FGGY: variants seen among roughly 807,000 people sequenced by gnomAD.
FGGY encodes the protein FGGY carbohydrate kinase domain-containing protein.
FGGY carries 72 observed loss-of-function variants against 71.3 expected under a neutral mutation model. The observed-to-expected ratio is 1.01, with a 90% CI of 0.84 to 1.23. The LOEUF (loss-of-function observed/expected upper bound fraction) is 1.23, where lower values mean the gene tolerates loss of function less well. Among genes scored for constraint, FGGY ranks in the 50% most tolerant of loss-of-function variants. The probability of loss-of-function intolerance (pLI) is 0.00; values close to 1 mark genes in which losing one functional copy is unlikely to be tolerated. For synonymous variants in FGGY, 251 were observed against 250.3 expected (o/e 1.00, Z -0.02); for missense variants, 668 against 682.3 (o/e 0.98, Z 0.23).
intron 7 of FGGY, among the ~76,000 whole-genome samples, chr1:59,533,975 G>A (rs1489971690): frequency 6.6e-6 from 1 of 152,234 alleles, no homozygotes; most frequent in African/African-American, 2.4e-5. Flanking sequence ...AACAAAGCTG[G>A]ACGGAGAATG....
At chr1:59,611,902 A>G (rs540377973) in intron 9 of FGGY, among the ~76,000 whole-genome samples, 1 of 152,372 alleles carries the variant, frequency 6.6e-6, no homozygotes, top group Non-Finnish European at 1.5e-5. Flanking sequence ...GGTATCAGTG[A>G]TGGAAGATCA....
intron 6 of FGGY, among the ~76,000 whole-genome samples, chr1:59,473,831 A>G (rs2153554150): frequency 6.6e-6 from 1 of 152,252 alleles, no homozygotes; most frequent in South Asian, 2.1e-4. Flanking sequence ...ATTTTAGAAT[A>G]TTTGTGGCTC....
intron 4 of FGGY, among the ~76,000 whole-genome samples, chr1:59,362,763 G>A (rs1312990500): frequency 2.6e-5 from 4 of 152,130 alleles, no homozygotes; most frequent in African/African-American, 4.8e-5. Flanking sequence ...TTTAGAACTT[G>A]AATTATTCTG....
At chr1:59,311,399 C>A (rs112202075) in intron 1 of FGGY, among the ~76,000 whole-genome samples, 13 of 152,184 alleles carry the variant, frequency 8.5e-5, no homozygotes, top group South Asian at 6.2e-4. Context: ...CTCGTCCCCC[C>A]ACCCCACAAC....
intron 14 of FGGY, among the ~76,000 whole-genome samples, chr1:59,712,079 G>C (rs1340599714): frequency 6.6e-6 from 1 of 152,124 alleles, no homozygotes; most frequent in African/African-American, 2.4e-5. Context: ...AGATACAATG[G>C]GGATACAGGC....
In FGGY at chr1:59,537,856, T is replaced by A. The variant is rs180877785; in HGVS notation, c.800-16268T>A. Among the ~76,000 whole-genome samples, 1,181 of 152,286 alleles carry A rather than the reference T, an allele frequency of 7.8e-3. 19 individuals are homozygous for A. Among genetic ancestry groups the A allele is most frequent in the African/African-American group, 0.027 (1,127 of 41,548 alleles). On this transcript the variant is annotated intron_variant, in intron 7 of 15. Coordinates refer to ENST00000303721, the MANE Select transcript of FGGY (RefSeq NM_018291.5). ...TATACAAAAATCAATTCAAGATGGA[T>A]TAAAGACTTAAACGTTAGACCTAAA...
intron 4 of FGGY, among the ~76,000 whole-genome samples, chr1:59,375,711 G>T (rs1436445535): frequency 6.6e-6 from 1 of 152,076 alleles, no homozygotes; most frequent in Non-Finnish European, 1.5e-5. Context: ...AAAGAACGCA[G>T]GGACTCCTTG....
At chr1:59,677,602 A>G (rs1435650323) in intron 14 of FGGY, among the ~76,000 whole-genome samples, 2 of 152,106 alleles carry the variant, frequency 1.3e-5, no homozygotes, top group African/African-American at 4.8e-5. Flanking sequence ...GTAGAGTCCT[A>G]TACCTTTCTT....
intron 5 of FGGY, among the ~76,000 whole-genome samples, chr1:59,449,481 C>G (rs1401493093): frequency 3.3e-5 from 5 of 152,070 alleles, no homozygotes; most frequent in Non-Finnish European, 5.9e-5. Flanking sequence ...GATGGGGTTT[C>G]ACCATGTTGG....
At chr1:59,305,416 T>C (rs1270244854) in intron 1 of FGGY, among the ~76,000 whole-genome samples, 2 of 152,234 alleles carry the variant, frequency 1.3e-5, no homozygotes, top group Non-Finnish European at 2.9e-5. Flanking sequence ...TACTTGATCA[T>C]GGTGAATGAT....
At chr1:59,486,323 C>A (rs550076941) in intron 6 of FGGY, among the ~76,000 whole-genome samples, 22 of 152,306 alleles carry the variant, frequency 1.4e-4, no homozygotes, top group African/African-American at 4.3e-4. Context: ...AACCAGTGAA[C>A]ATCCCTGGAA....
chr1:59,688,673 C>T (rs2097564315), intron 14 of FGGY, among the ~76,000 whole-genome samples: 2 of 152,156 alleles, frequency 1.3e-5, no homozygotes, highest in Non-Finnish European at 1.5e-5. Context: ...GTTTTTCTCT[C>T]CCCAAGCATA....
In FGGY at chr1:59,510,456, C is replaced by T. The variant is rs1018775971; in HGVS notation, c.671-1855C>T. On this transcript the variant is annotated intron_variant, in intron 6 of 15. Transcript: ENST00000303721. ...ACATAATTAAGATATTGTCCAGAAC[C>T]GTATTATACAAAGCCAAGGACACTG... Among the ~76,000 whole-genome samples, 5 of 152,276 alleles carry T rather than the reference C, an allele frequency of 3.3e-5. No individual in the cohort carries two copies. In the East Asian group the frequency reaches 5.8e-4, roughly 18 times the overall value.
At chr1:59,418,189 G>A (rs1005218597) in intron 5 of FGGY, among the ~76,000 whole-genome samples, 4 of 152,284 alleles carry the variant, frequency 2.6e-5, no homozygotes, top group South Asian at 4.1e-4. Flanking sequence ...AACTGGGGCA[G>A]GGGTTGAGTG....
At chr1:59,551,991 C>T (rs574035756) in intron 7 of FGGY, among the ~76,000 whole-genome samples, 9 of 152,224 alleles carry the variant, frequency 5.9e-5, no homozygotes, top group East Asian at 1.9e-4. Context: ...CCAAAAATGG[C>T]GATCCTGATG....
At chr1:59,614,171 C>A (rs2096723320) in intron 9 of FGGY, among the ~76,000 whole-genome samples, 1 of 152,118 alleles carries the variant, frequency 6.6e-6, no homozygotes, top group Non-Finnish European at 1.5e-5. Context: ...ATCCTGATAC[C>A]AAAGCCTGGC....
chr1:59,381,729 G>C (rs2059484956), intron 5 of FGGY, among the ~76,000 whole-genome samples: 1 of 151,822 alleles, frequency 6.6e-6, no homozygotes, highest in South Asian at 2.1e-4. Flanking sequence ...TGATTCAGCT[G>C]GATGGATGTG....
At chr1:59,410,612 C>A (rs2063470383) in intron 5 of FGGY, among the ~76,000 whole-genome samples, 1 of 145,558 alleles carries the variant, frequency 6.9e-6, no homozygotes. Context: ...AAAGTAATTC[C>A]CTTTCACTTG....
intron 1 of FGGY, among the ~76,000 whole-genome samples, chr1:59,303,111 G>A (rs1453920876): frequency 6.6e-6 from 1 of 152,156 alleles, no homozygotes; most frequent in African/African-American, 2.4e-5. Flanking sequence ...ATCACCTCAT[G>A]TACTCTTTCT....
Sources: allele counts gnomAD v4.1 joint callset (sites outside exome capture counted in the v4.1 genomes callset), GRCh38; gene constraint gnomAD v4.1.1; transcripts MANE v1.5; gene names NCBI Gene and HGNC (gene_info 2026-07-23, HGNC 2026-07-21).